Variants in BBS9 observed in about 807,000 individuals in gnomAD.
BBS9 encodes the protein protein PTHB1.
Under a neutral mutation model 117.7 loss-of-function variants are expected in BBS9, and 89 were observed. The observed-to-expected ratio is 0.76, with a 90% CI of 0.64 to 0.90. The LOEUF (loss-of-function observed/expected upper bound fraction) is 0.90. BBS9 is among the 40% of genes least tolerant of loss of function. The probability of loss-of-function intolerance (pLI) is 0.00; values close to 1 mark genes in which losing one functional copy is unlikely to be tolerated. For missense variants in BBS9, 982 were observed against 1,042.2 expected, an observed-to-expected ratio of 0.94 and a Z score of 0.80; for synonymous variants, 379 against 370.9, an observed-to-expected ratio of 1.02 and a Z score of -0.25.
intron 9 of BBS9, among the ~76,000 whole-genome samples, chr7:33,315,840 T>A (rs551956045): frequency 1.2e-4 from 18 of 152,324 alleles, no homozygotes; most frequent in African/African-American, 4.1e-4. Flanking sequence ...AAAGTTCAAA[T>A]GCATACAAAG....
intron 2 of BBS9, among the ~76,000 whole-genome samples, chr7:33,150,887 T>C (rs981677244): frequency 6.6e-6 from 1 of 152,226 alleles, no homozygotes; most frequent in Non-Finnish European, 1.5e-5. Context: ...GAGGAGTTCT[T>C]GGACTTGAGT....
At chr7:33,227,287 A>G (rs1489659922) in intron 5 of BBS9, among the ~76,000 whole-genome samples, 1 of 151,530 alleles carries the variant, frequency 6.6e-6, no homozygotes, top group Non-Finnish European at 1.5e-5. Context: ...AGCTGGGATT[A>G]CAGGCACACG....
At chr7:33,582,571 C>T (rs1860154174) in intron 21 of BBS9, among the ~76,000 whole-genome samples, 1 of 152,060 alleles carries the variant, frequency 6.6e-6, no homozygotes, top group Non-Finnish European at 1.5e-5. Context: ...ATCTGATGCT[C>T]ACAAGGTCAA....
intron 21 of BBS9, among the ~76,000 whole-genome samples, chr7:33,534,909 C>T (rs1851140107): frequency 6.6e-6 from 1 of 152,304 alleles, no homozygotes; most frequent in African/African-American, 2.4e-5. Flanking sequence ...GCTATAGCAT[C>T]TCTTTCCTCC....
At chr7:33,263,105 A>AATG (rs61552091) in intron 6 of BBS9, among the ~76,000 whole-genome samples, 125,748 of 151,930 alleles carry the variant, frequency 0.83, 52,092 homozygotes, top group Admixed American at 0.86. Flanking sequence ...TTTTCATATT[A>AATG]ATAAGATCTA....
chr7:33,212,433 T>C (rs1057007210), intron 5 of BBS9, among the ~76,000 whole-genome samples: 1 of 152,212 alleles, frequency 6.6e-6, no homozygotes, highest in African/African-American at 2.4e-5. Context: ...TCAATCTCTT[T>C]GTTACATTTA....
intron 21 of BBS9, among the ~76,000 whole-genome samples, chr7:33,538,177 T>C (rs1851759438): frequency 6.6e-6 from 1 of 152,196 alleles, no homozygotes; most frequent in Non-Finnish European, 1.5e-5. Context: ...CTGTATTTTC[T>C]TTCACACTGC....
intron 5 of BBS9, among the ~76,000 whole-genome samples, chr7:33,179,230 TA>T (rs1420519639): frequency 6.6e-6 from 1 of 152,174 alleles, no homozygotes; most frequent in East Asian, 1.9e-4. Context: ...TTTGGCCAAA[TA>T]AAAGTGTTTT....
At chr7:33,626,253 C>A (rs1425006701) in intron 21 of BBS9, among the ~76,000 whole-genome samples, 1 of 152,222 alleles carries the variant, frequency 6.6e-6, no homozygotes, top group African/African-American at 2.4e-5. Context: ...TCTAAGTTTT[C>A]TGAGGCCTCC....
chr7:33,581,131 G>T (rs967223276), intron 21 of BBS9, among the ~76,000 whole-genome samples: 1 of 151,618 alleles, frequency 6.6e-6, no homozygotes. Flanking sequence ...AGAGTGAGAA[G>T]AATCTTTTTT....
rs1864467800 is a variant in BBS9 at position 33,605,495 on chromosome 7, A to G, written c.*269A>G. 3.9e-6 allele frequency: 2 copies of G among 509,698 alleles called. No individual in the cohort carries two copies. The highest frequency in any genetic ancestry group is 7.1e-6 in the Non-Finnish European group (2 of 282,888). 31.6% of individuals were successfully genotyped at this position (509,698 alleles called of 1,614,324 possible). Reference sequence around the variant, plus strand: ...ATCCATCTGCTAATAGTCACAGAATACAGTGAAATGACATAGTTTTGGGTT... The same window carrying G: ...ATCCATCTGCTAATAGTCACAGAATGCAGTGAAATGACATAGTTTTGGGTT... On this transcript the variant is annotated 3_prime_UTR_variant, in exon 23 of 23. Coordinates refer to ENST00000242067, the MANE Select transcript of BBS9 (RefSeq NM_198428.3).
intron 19 of BBS9, among the ~76,000 whole-genome samples, chr7:33,392,943 A>G (rs545906484): frequency 6.6e-6 from 1 of 152,258 alleles, no homozygotes; most frequent in East Asian, 1.9e-4. Flanking sequence ...AGGCAGAAAG[A>G]TCCCTTGAGC....
At chr7:33,379,023 G>A (rs933802858) in intron 17 of BBS9, among the ~76,000 whole-genome samples, 9 of 152,320 alleles carry the variant, frequency 5.9e-5, no homozygotes, top group Non-Finnish European at 8.8e-5. Context: ...GTTTCCAGAT[G>A]TTTTTGCAAT....
intron 20 of BBS9, among the ~76,000 whole-genome samples, chr7:33,506,452 T>A (rs374788230): frequency 6.6e-6 from 1 of 152,120 alleles, no homozygotes; most frequent in South Asian, 2.1e-4. Context: ...AATGAACAAT[T>A]TTTTTGAGTG....
intron 4 of BBS9, among the ~76,000 whole-genome samples, chr7:33,169,330 A>G (rs1358682080): frequency 6.6e-6 from 1 of 151,048 alleles, no homozygotes; most frequent in Non-Finnish European, 1.5e-5. Flanking sequence ...ATACCCAGTA[A>G]TGGGATGGCT....
chr7:33,501,095 G>A (rs1345361175), intron 19 of BBS9, among the ~76,000 whole-genome samples: 2 of 152,168 alleles, frequency 1.3e-5, no homozygotes, highest in Non-Finnish European at 2.9e-5. Flanking sequence ...AGCCAGTGAT[G>A]CACCCTTAAA....
chr7:33,236,335 A>AG (rs1209867609), intron 5 of BBS9, among the ~76,000 whole-genome samples: 1 of 151,294 alleles, frequency 6.6e-6, no homozygotes, highest in African/African-American at 2.4e-5. Context: ...CAAAAAAAAA[A>AG]AAAAAGAAAA....
intron 19 of BBS9, among the ~76,000 whole-genome samples, chr7:33,470,774 A>G (rs990752658): frequency 6.6e-6 from 1 of 152,182 alleles, no homozygotes; most frequent in Non-Finnish European, 1.5e-5. Context: ...GAATAATGTA[A>G]GAGAATCCTT....
intron 9 of BBS9, among the ~76,000 whole-genome samples, chr7:33,332,858 A>T (rs1004817783): frequency 6.6e-6 from 1 of 152,178 alleles, no homozygotes; most frequent in African/African-American, 2.4e-5. Flanking sequence ...TAAAATACAC[A>T]TAACATAAAA....
Sources: gnomAD v4.1 joint callset for allele counts (sites outside exome capture counted in the v4.1 genomes callset) on GRCh38, gnomAD v4.1.1 for gene constraint, MANE v1.5 for transcripts, NCBI Gene and HGNC (gene_info 2026-07-23, HGNC 2026-07-21) for gene names.